Variants in MED12L observed in about 807,000 individuals in gnomAD.
MED12L encodes mediator complex subunit 12L, also known as mediator of RNA polymerase II transcription subunit 12-like protein.
A neutral mutation model predicts 281.3 loss-of-function variants in MED12L; 60 were observed. That is an observed-to-expected ratio of 0.21 (90% CI 0.17 to 0.26). The LOEUF (loss-of-function observed/expected upper bound fraction) is 0.26, where lower values mean the gene tolerates loss of function less well. MED12L is among the 10% of genes least tolerant of loss of function. The pLI is 1.00. For missense variants in MED12L, 2,146 were observed against 2,680.9 expected, an observed-to-expected ratio of 0.80 and a Z score of 4.41; for synonymous variants, 974 against 987.2, an observed-to-expected ratio of 0.99 and a Z score of 0.25.
chr3:151,397,886 C>T (rs2108276002), intron 39 of MED12L, among the ~76,000 whole-genome samples: 1 of 152,182 alleles, frequency 6.6e-6, no homozygotes, highest in Middle Eastern at 3.4e-3. Context: ...TTATATTAAC[C>T]TTCAAAACTG....
intron 19 of MED12L, among the ~76,000 whole-genome samples, chr3:151,356,959 T>C (rs1393430938): frequency 6.6e-6 from 1 of 152,172 alleles, no homozygotes; most frequent in Non-Finnish European, 1.5e-5. Flanking sequence ...AATTATACAG[T>C]CCAGGACCTT....
intron 16 of MED12L, among the ~76,000 whole-genome samples, chr3:151,197,197 CTT>C (rs1052844794): frequency 3.3e-5 from 5 of 152,106 alleles, no homozygotes; most frequent in Admixed American, 2.6e-4. Flanking sequence ...GAGTCTCGCT[CTT>C]TTTGCCCAGG....
chr3:151,296,297 A>G (rs1349316065), intron 16 of MED12L, among the ~76,000 whole-genome samples: 1 of 152,148 alleles, frequency 6.6e-6, no homozygotes, highest in African/African-American at 2.4e-5. Flanking sequence ...GGTCATGAGC[A>G]TTTGACTTAT....
intron 39 of MED12L, among the ~76,000 whole-genome samples, chr3:151,404,964 A>G (rs1405245921): frequency 1.3e-5 from 2 of 152,180 alleles, no homozygotes; most frequent in Admixed American, 1.3e-4. Flanking sequence ...GAAGAATGAA[A>G]ATTATGTTCG....
chr3:151,200,515 TGTAA>T (rs1725397129), intron 16 of MED12L, among the ~76,000 whole-genome samples: 1 of 152,262 alleles, frequency 6.6e-6, no homozygotes, highest in South Asian at 2.1e-4. Flanking sequence ...TCAGCTACTC[TGTAA>T]GTGCCTTTTA....
chr3:151,420,992 C>T (rs1206373699), intron 43 of MED12L, among the ~76,000 whole-genome samples: 2 of 152,158 alleles, frequency 1.3e-5, no homozygotes, highest in Admixed American at 6.5e-5. Flanking sequence ...GGCTGATCAC[C>T]CTGAGGAATG....
intron 16 of MED12L, among the ~76,000 whole-genome samples, chr3:151,302,847 A>G (rs1322157811): frequency 5.9e-5 from 9 of 152,168 alleles, no homozygotes; most frequent in Admixed American, 5.9e-4. Context: ...AGAAAGGTAC[A>G]TTTCTGTCCT....
chr3:151,325,607 G>A (rs188792546), intron 16 of MED12L, among the ~76,000 whole-genome samples: 9 of 152,148 alleles, frequency 5.9e-5, no homozygotes, highest in Admixed American at 2.0e-4. Flanking sequence ...TCTTCACCAC[G>A]TTCTTGATGT....
At chr3:151,136,019 G>T (rs573607078) in intron 5 of MED12L, among the ~76,000 whole-genome samples, 1 of 152,270 alleles carries the variant, frequency 6.6e-6, no homozygotes, top group Non-Finnish European at 1.5e-5. Context: ...TAAACTGCCT[G>T]GGGCACTGCT....
chr3:151,380,259 T>C (rs1712012693), intron 32 of MED12L, 35 bp downstream of exon 32: 1 of 1,349,198 alleles, frequency 7.4e-7, no homozygotes. Context: ...CAGGCAAATA[T>C]CTTTCTAACG....
intron 39 of MED12L, among the ~76,000 whole-genome samples, chr3:151,408,220 T>A (rs1350809103): frequency 6.6e-6 from 1 of 152,148 alleles, no homozygotes; most frequent in Non-Finnish European, 1.5e-5. Flanking sequence ...TCCTATAGGG[T>A]TCTTGTGAGA....
intron 43 of MED12L, among the ~76,000 whole-genome samples, chr3:151,428,641 A>G (rs1719127070): frequency 6.6e-6 from 1 of 152,206 alleles, no homozygotes; most frequent in Admixed American, 6.5e-5. Flanking sequence ...GGGAGAGAGA[A>G]AGTTGAACCA....
intron 16 of MED12L, among the ~76,000 whole-genome samples, chr3:151,345,873 A>T (rs552904559): frequency 6.6e-6 from 1 of 152,258 alleles, no homozygotes; most frequent in African/African-American, 2.4e-5. Context: ...GCTCTTGAAA[A>T]ATAGTAGCTT....
At chr3:151,118,856 T>A (rs181374289) in intron 3 of MED12L, among the ~76,000 whole-genome samples, 142 of 152,126 alleles carry the variant, frequency 9.3e-4, no homozygotes, top group African/African-American at 3.0e-3. Flanking sequence ...CCTGGCTAAT[T>A]TTTGTATTTT....
chr3:151,097,995 A>C (rs565188084), intron 2 of MED12L, among the ~76,000 whole-genome samples: 1 of 152,308 alleles, frequency 6.6e-6, no homozygotes, highest in South Asian at 2.1e-4. Context: ...AGGGAAGAAG[A>C]TTAATTCCAG....
chr3:151,355,357 C>T (rs1357490968), intron 18 of MED12L, 118 bp downstream of exon 18: 5 of 644,130 alleles, frequency 7.8e-6, no homozygotes, highest in African/African-American at 5.6e-5. Context: ...TATAAACATA[C>T]TTGGAAGTAT....
chr3:151,391,207 T>G (rs1714191930), intron 38 of MED12L, among the ~76,000 whole-genome samples: 1 of 152,224 alleles, frequency 6.6e-6, no homozygotes, highest in Non-Finnish European at 1.5e-5. Flanking sequence ...ATGTAAGATT[T>G]AAAAGTAAAT....
intron 5 of MED12L, among the ~76,000 whole-genome samples, chr3:151,137,631 C>T (rs1716341072): frequency 6.6e-6 from 1 of 152,062 alleles, no homozygotes; most frequent in African/African-American, 2.4e-5. Flanking sequence ...TTTAGCATTT[C>T]CTATTTAACA....
chr3:151,192,513 A>T lies in MED12L; in HGVS notation c.1969-37A>T, dbSNP rs529852346. On this transcript the variant is annotated intron_variant, in intron 14 of 44. Transcript: ENST00000687756. ...CTTCAGTTTCTTGATGAACTCCAAA[A>T]CTTACAATGTTACTTTCTTTCTCTG... The T allele has an allele frequency of 2.8e-5, 40 of 1,422,074 alleles. 2 individuals carry two copies. The Admixed American group carries it at 3.0e-4, about 11-fold the overall frequency. The allele number at this position is 1,422,074 out of a possible 1,614,324, so 88.1% of individuals were successfully genotyped here.
Sources: gnomAD v4.1 joint callset for allele counts (sites outside exome capture counted in the v4.1 genomes callset) on GRCh38, gnomAD v4.1.1 for gene constraint, MANE v1.5 for transcripts, NCBI Gene and HGNC (gene_info 2026-07-23, HGNC 2026-07-21) for gene names.